The following SLC24A3 variants were observed in gnomAD, a reference collection of about 807,000 sequenced individuals.
SLC24A3 encodes the protein sodium/potassium/calcium exchanger 3.
A neutral mutation model predicts 75.8 loss-of-function variants in SLC24A3; 28 were observed. That is an observed-to-expected ratio of 0.37 (90% CI 0.27 to 0.51). The LOEUF (loss-of-function observed/expected upper bound fraction) is 0.51, where lower values mean the gene tolerates loss of function less well. Among genes scored for constraint, SLC24A3 ranks in the 20% least tolerant of loss-of-function variants. The pLI, the probability that SLC24A3 is intolerant of heterozygous loss-of-function variation, is 0.94. For missense variants in SLC24A3, 663 were observed against 847.8 expected (o/e 0.78, Z 2.71); for synonymous variants, 372 against 334.1 (o/e 1.11, Z -1.24).
At chr20:19,371,202 G>A (rs1350886625) in intron 2 of SLC24A3, among the ~76,000 whole-genome samples, 1 of 152,128 alleles carries the variant, frequency 6.6e-6, no homozygotes, top group African/African-American at 2.4e-5. Flanking sequence ...TCCCCAATAG[G>A]GGAGGGAGCA....
At chr20:19,644,779 C>T (rs898898088) in intron 6 of SLC24A3, among the ~76,000 whole-genome samples, 6 of 152,164 alleles carry the variant, frequency 3.9e-5, no homozygotes, top group African/African-American at 1.4e-4. Flanking sequence ...TCCTCCTGCC[C>T]CCTTCTCCAG....
At chr20:19,219,019 G>C (rs61157454) in intron 1 of SLC24A3, among the ~76,000 whole-genome samples, 2,241 of 152,084 alleles carry the variant, frequency 0.015, 45 homozygotes, top group South Asian at 0.058. Context: ...TTTCTATAGA[G>C]CTTGTTTGGC....
intron 7 of SLC24A3, among the ~76,000 whole-genome samples, chr20:19,657,698 T>C (rs1396727591): frequency 6.6e-6 from 1 of 152,172 alleles, no homozygotes; most frequent in East Asian, 1.9e-4. Context: ...AGTTTCACAC[T>C]CAAAAGTGCT....
chr20:19,599,593 G>A (rs747686420), intron 6 of SLC24A3, among the ~76,000 whole-genome samples: 26 of 152,252 alleles, frequency 1.7e-4, no homozygotes, highest in South Asian at 4.1e-4. Flanking sequence ...TCATCTCTGA[G>A]TGGAACACAA....
intron 6 of SLC24A3, among the ~76,000 whole-genome samples, chr20:19,606,931 C>G (rs182101722): frequency 4.7e-4 from 72 of 152,326 alleles, no homozygotes; most frequent in African/African-American, 1.7e-3. Flanking sequence ...ATGCCTCACA[C>G]TTGGTACACC....
At position 19,693,274 on chromosome 20, in the gene SLC24A3, C is replaced by G. The variant is rs1490606593; in HGVS notation, c.1340C>G (p.Thr447Arg). 6.2e-7 allele frequency: 1 copy of G among 1,611,246 alleles called. No homozygotes were observed. The highest frequency in any genetic ancestry group is 2.2e-5 in the East Asian group (1 of 44,836). The change falls in exon 13 of 17, where the codon ACA becomes AGA. Residue 447 changes from threonine (T) to arginine (R), a missense_variant. Physicochemically the swap from Thr to Arg is moderately conservative, Grantham distance 71. Coordinates refer to ENST00000328041, the MANE Select transcript of SLC24A3 (RefSeq NM_020689.4). The stretch of plus-strand genomic sequence containing the variant: ...ATTTTTCCAGCGGGTAAACTGGAAA[C>G]AGTGAAATGGGCGTTCACCTGGCCG... ...PFDTPSGKLE[T>R]VKWAFTWPLS...
intron 2 of SLC24A3, among the ~76,000 whole-genome samples, chr20:19,459,222 G>T (rs1315833492): frequency 6.6e-6 from 1 of 152,202 alleles, no homozygotes; most frequent in African/African-American, 2.4e-5. Flanking sequence ...ATTTTAAAGA[G>T]ATATTTAGCA....
intron 2 of SLC24A3, among the ~76,000 whole-genome samples, chr20:19,453,559 G>A (rs1987529413): frequency 6.6e-6 from 1 of 152,176 alleles, no homozygotes; most frequent in Non-Finnish European, 1.5e-5. Flanking sequence ...GAGGAAATTT[G>A]CCAACTTTCC....
chr20:19,515,351 G>T, intron 2 of SLC24A3, 137 bp from the exon 3 acceptor site: 1 of 834,374 alleles, frequency 1.2e-6, no homozygotes. Flanking sequence ...ATTCTGGTTA[G>T]TTTTGTGAAC....
chr20:19,278,114 C>A (rs769978625), intron 1 of SLC24A3, among the ~76,000 whole-genome samples: 3 of 152,208 alleles, frequency 2.0e-5, no homozygotes, highest in African/African-American at 7.2e-5. Context: ...AGGCCTTTTT[C>A]TGGGCATCAC....
chr20:19,636,518 G>T (rs1426159778), intron 6 of SLC24A3, among the ~76,000 whole-genome samples: 1 of 152,184 alleles, frequency 6.6e-6, no homozygotes, highest in East Asian at 1.9e-4. Flanking sequence ...ATATTGCAGA[G>T]GTCTAACCAG....
chr20:19,649,583 G>GT (rs2032177249), intron 6 of SLC24A3, among the ~76,000 whole-genome samples: 2 of 152,012 alleles, frequency 1.3e-5, no homozygotes, highest in African/African-American at 4.8e-5. Context: ...TGTGGTCACT[G>GT]TTTTTTGTTT....
At chr20:19,495,632 CT>C (rs1323059369) in intron 2 of SLC24A3, among the ~76,000 whole-genome samples, 1 of 152,198 alleles carries the variant, frequency 6.6e-6, no homozygotes, top group East Asian at 1.9e-4. Context: ...TGGTCCATAC[CT>C]TTTGGGTGGA....
chr20:19,684,411 T>C, intron 11 of SLC24A3, 75 bp downstream of exon 11: 1 of 1,490,972 alleles, frequency 6.7e-7, no homozygotes, highest in East Asian at 2.5e-5. Context: ...GGTTTCTTGT[T>C]TGAAAGAAGA....
chr20:19,346,332 GTATATATATATGGTA>G (rs1985424593), intron 2 of SLC24A3, among the ~76,000 whole-genome samples: 1 of 49,826 alleles, frequency 2.0e-5, no homozygotes, highest in African/African-American at 1.0e-4. Flanking sequence ...TATATATGGT[GTATATATATATGGTA>G]TATATATGGT....
chr20:19,675,007 G>A (rs541780267), intron 9 of SLC24A3, among the ~76,000 whole-genome samples: 20 of 152,260 alleles, frequency 1.3e-4, no homozygotes, highest in South Asian at 2.1e-4. Flanking sequence ...CTGAGATCGC[G>A]CCACCACTCC....
At chr20:19,657,265 C>G (rs1346054602) in intron 7 of SLC24A3, among the ~76,000 whole-genome samples, 2 of 152,154 alleles carry the variant, frequency 1.3e-5, no homozygotes, top group African/African-American at 2.4e-5. Context: ...GGTCTTGGTT[C>G]TTTTTACTTT....
At chr20:19,515,617 G>T (rs1285057790) in intron 3 of SLC24A3, 53 bp downstream of exon 3, 9 of 1,573,676 alleles carry the variant, frequency 5.7e-6, no homozygotes, top group Middle Eastern at 1.7e-4. Context: ...AGGCCTAGGG[G>T]TGTGGGGTGT....
In SLC24A3 at chr20:19,682,064, C is replaced by T. The variant is rs933559458; in HGVS notation, c.901+73C>T. 9 of 1,503,222 alleles carry T rather than the reference C, an allele frequency of 6.0e-6. No homozygotes were observed. In the African/African-American group the frequency reaches 1.1e-4, roughly 18 times the overall value. 93.1% of individuals were successfully genotyped at this position (1,503,222 alleles called of 1,614,324 possible). On this transcript the variant is annotated intron_variant, in intron 10 of 16. Transcript: ENST00000328041. ...GGCCAGGAGTTCAAGACCAGCCTGG[C>T]CAACATGGCAAATCCCCATCTTTAC... is the stretch of plus-strand genomic sequence containing the variant.
Sources: allele counts gnomAD v4.1 joint callset (sites outside exome capture counted in the v4.1 genomes callset), GRCh38; gene constraint gnomAD v4.1.1; transcripts MANE v1.5; gene names NCBI Gene and HGNC (gene_info 2026-07-23, HGNC 2026-07-21).